Variants in NCKAP5 observed in about 807,000 individuals in gnomAD.
NCKAP5 encodes NCK associated protein 5, also known as nck-associated protein 5.
A neutral mutation model predicts 167.0 loss-of-function variants in NCKAP5; 92 were observed. The ratio of observed to expected loss-of-function variants is 0.55; its 90% confidence interval spans 0.47 to 0.66. NCKAP5 has a LOEUF of 0.66. Among genes scored for constraint, NCKAP5 ranks in the 30% least tolerant of loss-of-function variants. The pLI is 0.00. For synonymous variants in NCKAP5, 891 were observed against 877.4 expected (o/e 1.02, Z -0.27); for missense variants, 2,378 against 2,315.0 (o/e 1.03, Z -0.56).
At chr2:132,775,266 C>T (rs1682451323) in intron 15 of NCKAP5, among the ~76,000 whole-genome samples, 2 of 152,118 alleles carry the variant, frequency 1.3e-5, no homozygotes, top group Admixed American at 1.3e-4. Flanking sequence ...CTACTTTTTG[C>T]CTCCTATTTT....
At chr2:133,626,986 T>C in the NCKAP5 span, among the ~76,000 whole-genome samples, 2 of 151,986 alleles carry the variant, frequency 1.3e-5, no homozygotes, top group Admixed American at 6.5e-5. Flanking sequence ...AAGAATTTCA[T>C]ACAAAAAATG....
At chr2:133,045,531 A>C (rs1349090305) in intron 6 of NCKAP5, among the ~76,000 whole-genome samples, 1 of 152,044 alleles carries the variant, frequency 6.6e-6, no homozygotes, top group African/African-American at 2.4e-5. Context: ...TGTTGCGAAG[A>C]CAAGGGTTCT....
intron 11 of NCKAP5, among the ~76,000 whole-genome samples, chr2:132,857,905 T>G (rs916734234): frequency 1.3e-4 from 20 of 152,344 alleles, no homozygotes; most frequent in African/African-American, 4.1e-4. Context: ...AAGAATTTGC[T>G]AAATGATATC....
chr2:133,378,663 C>A (rs1686316190), intron 3 of NCKAP5, among the ~76,000 whole-genome samples: 1 of 152,136 alleles, frequency 6.6e-6, no homozygotes, highest in Non-Finnish European at 1.5e-5. Context: ...GTATCTGCCA[C>A]CTAGGAAATT....
chr2:133,191,430 C>A (rs1376279416), intron 5 of NCKAP5, among the ~76,000 whole-genome samples: 1 of 152,036 alleles, frequency 6.6e-6, no homozygotes, highest in Non-Finnish European at 1.5e-5. Flanking sequence ...TGGGTGTATA[C>A]CCAAAGGACA....
chr2:133,015,854 G>T (rs2078315082), intron 6 of NCKAP5, among the ~76,000 whole-genome samples: 1 of 152,160 alleles, frequency 6.6e-6, no homozygotes. Context: ...CCTGGAAGTG[G>T]GAGGGCAGGG....
rs1693261755 is a variant in NCKAP5 at position 132,897,004 on chromosome 2, TA to T, written c.580-18089del. 3.3e-5 allele frequency among the ~76,000 whole-genome samples: 5 copies of T among 152,340 alleles called. No individual in the cohort carries two copies. The South Asian group carries it at 1.0e-3, about 32-fold the overall frequency. On this transcript the variant is annotated intron_variant, in intron 8 of 19. Coordinates refer to ENST00000409261, the MANE Select transcript of NCKAP5 (RefSeq NM_207363.3). The stretch of plus-strand genomic sequence containing the variant: ...TCATCTCCAAAGTCTTTTGCAGCCA[TA>T]AAATCTCAGACAGTATGAATTTATA...
the NCKAP5 span, among the ~76,000 whole-genome samples, chr2:133,606,864 C>A: frequency 6.6e-6 from 1 of 152,034 alleles, no homozygotes; most frequent in South Asian, 2.1e-4. Context: ...ATACTGTTTG[C>A]TTTGCCCCAG....
intron 4 of NCKAP5, among the ~76,000 whole-genome samples, chr2:133,272,223 C>T (rs977458038): frequency 6.8e-6 from 1 of 146,772 alleles, no homozygotes; most frequent in Admixed American, 6.9e-5. Context: ...AGTACCCAAA[C>T]AAAACAGAAC....
chr2:132,784,453 G>A lies in NCKAP5; in HGVS notation c.2358C>T (p.Ser786=). The change falls in exon 14 of 20, where the codon TCC becomes TCT. Residue 786 remains serine (S), a synonymous_variant. Transcript: ENST00000409261. ...PTHNISCQSN[S]RSSAPMGIYQ... is the part of the protein sequence containing the mutation. ...AGATGCCCATGGGTGCCGAAGACCT[G>A]GAATTACTCTGGCATGATATATTGT... 2 of 1,604,414 alleles carry A rather than the reference G, an allele frequency of 1.2e-6. No individual in the cohort carries two copies. Among genetic ancestry groups the A allele is most frequent in the Non-Finnish European group, 1.7e-6 (2 of 1,176,188 alleles).
chr2:133,165,056 G>A (rs570013785), intron 5 of NCKAP5, among the ~76,000 whole-genome samples: 10 of 145,828 alleles, frequency 6.9e-5, no homozygotes, highest in Admixed American at 1.4e-4. Context: ...GCCATGTCTT[G>A]AAACTTTCGG....
At chr2:133,338,545 G>C (rs981717861) in intron 3 of NCKAP5, among the ~76,000 whole-genome samples, 3 of 152,154 alleles carry the variant, frequency 2.0e-5, no homozygotes, top group Non-Finnish European at 4.4e-5. Context: ...ATGAGTATCA[G>C]GTTCTTTTTT....
chr2:133,382,467 G>A (rs1686596534), intron 3 of NCKAP5, among the ~76,000 whole-genome samples: 1 of 152,120 alleles, frequency 6.6e-6, no homozygotes, highest in African/African-American at 2.4e-5. Flanking sequence ...AGTCCCTACA[G>A]GATCTGACCG....
intron 4 of NCKAP5, among the ~76,000 whole-genome samples, chr2:133,250,648 G>A (rs1476426082): frequency 6.6e-6 from 1 of 152,186 alleles, no homozygotes; most frequent in Non-Finnish European, 1.5e-5. Flanking sequence ...AGCATTTAAA[G>A]AAAATACAGC....
intron 7 of NCKAP5, among the ~76,000 whole-genome samples, chr2:132,967,279 A>G (rs561064244): frequency 6.6e-6 from 1 of 152,236 alleles, no homozygotes; most frequent in African/African-American, 2.4e-5. Context: ...AATTAAAGAC[A>G]ATATGGATTA....
At chr2:133,124,597 C>G (rs961460482) in intron 6 of NCKAP5, among the ~76,000 whole-genome samples, 1 of 152,334 alleles carries the variant, frequency 6.6e-6, no homozygotes, top group Admixed American at 6.5e-5. Flanking sequence ...TGAATCTGGA[C>G]AGAAGTCCTC....
At chr2:133,006,296 CA>C (rs897535792) in intron 6 of NCKAP5, among the ~76,000 whole-genome samples, 59 of 151,986 alleles carry the variant, frequency 3.9e-4, no homozygotes, top group African/African-American at 1.4e-3. Context: ...AACAAACAAA[CA>C]AAAAAAGATT....
intron 6 of NCKAP5, among the ~76,000 whole-genome samples, chr2:133,028,427 C>G (rs894069583): frequency 3.9e-5 from 6 of 152,086 alleles, no homozygotes; most frequent in Admixed American, 6.5e-5. Flanking sequence ...ATTTCCTGTC[C>G]CTTTCCTTAA....
intron 3 of NCKAP5, among the ~76,000 whole-genome samples, chr2:133,422,084 A>G (rs1382373173): frequency 6.6e-6 from 1 of 152,266 alleles, no homozygotes; most frequent in Admixed American, 6.5e-5. Context: ...GCTAGAGCAC[A>G]GAGTGCAGGG....
Sources: allele counts gnomAD v4.1 joint callset (sites outside exome capture counted in the v4.1 genomes callset), GRCh38; gene constraint gnomAD v4.1.1; transcripts MANE v1.5; gene names NCBI Gene and HGNC (gene_info 2026-07-23, HGNC 2026-07-21).